The following OR5B2 variants were observed in gnomAD, a reference collection of about 807,000 sequenced individuals.
OR5B2 encodes olfactory receptor family 5 subfamily B member 2.
For missense variants in OR5B2, 411 were observed against 367.0 expected (o/e 1.12, Z -0.98); for synonymous variants, 163 against 140.8 (o/e 1.16, Z -1.11).
chr11:58,422,227 A>C lies in OR5B2; in HGVS notation c.*105T>G. The C allele has an allele frequency of 1.5e-6, 1 of 647,012 alleles. No individual in the cohort carries two copies. Among genetic ancestry groups the C allele is most frequent in the Non-Finnish European group, 2.7e-6 (1 of 369,054 alleles). 40.1% of individuals were successfully genotyped at this position (647,012 alleles called of 1,614,324 possible). ...AAAGAGGTAAGAATATCACCTCATG[A>C]ACTTAAATGTATTGTGGGGTTTCAA... is the stretch of plus-strand genomic sequence containing the variant. On this transcript the variant is annotated 3_prime_UTR_variant, in exon 3 of 3. Coordinates refer to ENST00000641342, the MANE Select transcript of OR5B2 (RefSeq NM_001005566.3).
chr11:58,422,763 A>C lies in OR5B2; in HGVS notation c.499T>G (p.Cys167Gly). 6.2e-7 allele frequency: 1 copy of C among 1,613,880 alleles called. No homozygotes were observed. The highest frequency in any genetic ancestry group is 8.5e-7 in the Non-Finnish European group (1 of 1,179,894). Residue 167 changes from cysteine to glycine, a missense_variant, in exon 3 of 3, where the codon TGT becomes GGT. By Grantham distance (159) the Cys-to-Gly change is radical. Transcript: ENST00000641342. ...HIGGIFSLSFCKSNLVHHFFC... is the reference protein window; with the variant it reads ...HIGGIFSLSFGKSNLVHHFFC... ...AAGTGATGTACCAGATTGGATTTAC[A>C]GAAAGAGAGACTGAATATGCCCCCA...
chr11:58,421,248 G>A lies in OR5B2; in HGVS notation c.*1084C>T, dbSNP rs762591249. On this transcript the variant is annotated 3_prime_UTR_variant, in exon 3 of 3. Transcript: ENST00000641342. ...CAGTTAAACCACAGGTGTTTATAGC[G>A]GCTTTATTCATAACTGCCAACACTA... The A allele has an allele frequency of 4.6e-5, 7 of 152,022 alleles. No individual in the cohort carries two copies. Among genetic ancestry groups the A allele is most frequent in the African/African-American group, 1.2e-4 (5 of 41,392 alleles). 9.4% of individuals were successfully genotyped at this position (152,022 alleles called of 1,614,324 possible).
Position 58,422,516 on chromosome 11 carries a change from A to C in OR5B2, c.746T>G (p.Phe249Cys). 1.9e-6 allele frequency: 3 copies of C among 1,613,806 alleles called. No individual in the cohort carries two copies. The South Asian group carries it at 3.3e-5, about 18-fold the overall frequency. Residue 249 changes from phenylalanine to cysteine, a missense_variant, in exon 3 of 3, where the codon TTC (phenylalanine) becomes TGC (cysteine). Transcript: ENST00000641342. Reference sequence around the variant, plus strand: ...GTAGATGAAGATTACTGTCCCATAGAAGACGGAGACTGCAGTGAAGTGAGA... The same window carrying C: ...GTAGATGAAGATTACTGTCCCATAGCAGACGGAGACTGCAGTGAAGTGAGA... ...CASHFTAVSV[F>C]YGTVIFIYLQ...
At chr11:58,426,948 C>T (rs1260079551) in intron 1 of OR5B2, among the ~76,000 whole-genome samples, 1 of 152,088 alleles carries the variant, frequency 6.6e-6, no homozygotes, top group Admixed American at 6.6e-5. Flanking sequence ...TTATCCCTGG[C>T]CATTGTTGCA....
rs1411860355 is a variant in OR5B2, at chr11:58,422,201, T to A, written c.*131A>T. The A allele has an allele frequency of 1.8e-6, 1 of 543,644 alleles. No homozygotes were observed. Among genetic ancestry groups the A allele is most frequent in the African/African-American group, 1.9e-5 (1 of 53,138 alleles). 33.7% of individuals were successfully genotyped at this position (543,644 alleles called of 1,614,324 possible). ...TTATTTTTATTAAAAAATTGACTTC[T>A]AAAGAGGTAAGAATATCACCTCATG... On this transcript the variant is annotated 3_prime_UTR_variant, in exon 3 of 3. Transcript: ENST00000641342.
At position 58,423,278 on chromosome 11, in the gene OR5B2, A is replaced by G. The variant is rs1455904823; in HGVS notation, c.-17T>C. 6.8e-7 allele frequency: 1 copy of G among 1,461,640 alleles called. No individual in the cohort carries two copies. The highest frequency in any genetic ancestry group is 2.0e-5 in the Admixed American group (1 of 49,912). The allele number at this position is 1,461,640 out of a possible 1,614,324, so 90.5% of individuals were successfully genotyped here. A position where few individuals can be genotyped will look rare whatever the true frequency, so the allele number is the denominator to read the frequency against. On this transcript the variant is annotated 5_prime_UTR_variant, in exon 3 of 3. Coordinates refer to ENST00000641342, the MANE Select transcript of OR5B2 (RefSeq NM_001005566.3). ...ATTCTCCATCAGTATTATCTGAGAA[A>G]CTTAAGATGACCTGTAGCAATGAGA...
In OR5B2 at chr11:58,422,522, G is replaced by A; in HGVS notation, c.740C>T (p.Ser247Phe). Residue 247 changes from serine to phenylalanine, a missense_variant, in exon 3 of 3, where the codon TCC becomes TTC. By Grantham distance (155) the Ser-to-Phe change is radical (BLOSUM62 -2). Transcript: ENST00000641342. ...STCASHFTAV[S>F]VFYGTVIFIY... ...GAAGATTACTGTCCCATAGAAGACG[G>A]AGACTGCAGTGAAGTGAGAGGCACA... 1 of 1,613,794 alleles carries A rather than the reference G, an allele frequency of 6.2e-7. No individual in the cohort carries two copies. The highest frequency in any genetic ancestry group is 8.5e-7 in the Non-Finnish European group (1 of 1,179,860).
Position 58,422,608 on chromosome 11 carries a change from G to T in OR5B2, c.654C>A (p.Phe218Leu). 6.2e-7 allele frequency: 1 copy of T among 1,613,656 alleles called. No homozygotes were observed. The highest frequency in any genetic ancestry group is 8.5e-7 in the Non-Finnish European group (1 of 1,179,800). ...VLLVIFISYLFIFITILKMHS... is the reference protein window; with the variant it reads ...VLLVIFISYLLIFITILKMHS... ...GCATCTTCAAGATGGTGATGAATAT[G>T]AACAAGTAGGAGATAAAGATAACTA... The change falls in exon 3 of 3, where the codon TTC becomes TTA. Residue 218 changes from phenylalanine (F) to leucine (L), a missense_variant. Physicochemically the swap from Phe to Leu is conservative, Grantham distance 22. Coordinates refer to ENST00000641342, the MANE Select transcript of OR5B2 (RefSeq NM_001005566.3).
rs780585426 is a variant in OR5B2 at position 58,423,027 on chromosome 11, C to T, written c.235G>A (p.Val79Ile). The change falls in exon 3 of 3, where the codon GTC becomes ATC. Residue 79 changes from valine (V) to isoleucine (I), a missense_variant. Physicochemically the swap from Val to Ile is conservative, Grantham distance 29. Transcript: ENST00000641342. The part of the protein sequence containing the change: ...FGYSSAVTPK[V>I]MAGFLRGDKV... ...TCTCCTCTAAGGAACCCAGCCATGACCTTGGGAGTGACAGCTGAGGAGTAT... is the reference window on the plus strand; with the variant it reads ...TCTCCTCTAAGGAACCCAGCCATGATCTTGGGAGTGACAGCTGAGGAGTAT... 19 of 1,613,718 alleles carry T rather than the reference C, an allele frequency of 1.2e-5. No homozygotes were observed. The highest frequency in any genetic ancestry group is 1.6e-5 in the Non-Finnish European group (19 of 1,179,792).
intron 2 of OR5B2, 82 bp downstream of exon 2, chr11:58,426,540 A>T (rs1855340491): frequency 6.6e-6 from 1 of 152,114 alleles, no homozygotes; most frequent in Non-Finnish European, 1.5e-5. Flanking sequence ...TCAATGGGAA[A>T]ATGTTTGCCC....
At position 58,421,382 on chromosome 11, in the gene OR5B2, G is replaced by A. The variant is rs1855270238; in HGVS notation, c.*950C>T. The A allele has an allele frequency of 6.6e-6, 1 of 152,086 alleles. No individual in the cohort carries two copies. Among genetic ancestry groups the A allele is most frequent in the African/African-American group, 2.4e-5 (1 of 41,434 alleles). The allele number at this position is 152,086 out of a possible 1,614,324, so 9.4% of individuals were successfully genotyped here. A position where few individuals can be genotyped will look rare whatever the true frequency, so the allele number is the denominator to read the frequency against. On this transcript the variant is annotated 3_prime_UTR_variant, in exon 3 of 3. Transcript: ENST00000641342. The stretch of plus-strand genomic sequence containing the variant: ...GAAATGAGCTATCAAGCCACGAAAA[G>A]TTATGGAGAAAACAGATGCATATTA...
At chr11:58,423,926 G>A (rs1337955363) in intron 2 of OR5B2, among the ~76,000 whole-genome samples, 1 of 152,150 alleles carries the variant, frequency 6.6e-6, no homozygotes. Context: ...GTAACTGAGA[G>A]GAAAATGCAC....
At position 58,422,963 on chromosome 11, in the gene OR5B2, A is replaced by G. The variant is rs1282058332; in HGVS notation, c.299T>C (p.Phe100Ser). Residue 100 changes from phenylalanine (F) to serine (S), a missense_variant, in exon 3 of 3, where the codon TTC (phenylalanine) becomes TCC (serine). By Grantham distance (155) the Phe-to-Ser change is radical (BLOSUM62 -2). Transcript: ENST00000641342. ...ISYNACAVQMFFFVALATVEN... is the reference protein window; with the variant it reads ...ISYNACAVQMSFFVALATVEN... ...CACCGTGGCCAAGGCTACAAAGAAGAACATCTGAACAGCACATGCATTGTA... is the reference window on the plus strand; with the variant it reads ...CACCGTGGCCAAGGCTACAAAGAAGGACATCTGAACAGCACATGCATTGTA... 1 of 1,613,746 alleles carries G rather than the reference A, an allele frequency of 6.2e-7. No homozygotes were observed.
chr11:58,426,141 GA>G, intron 2 of OR5B2, among the ~76,000 whole-genome samples: 2 of 150,342 alleles, frequency 1.3e-5, no homozygotes, highest in African/African-American at 5.0e-5. Context: ...TAAGCACATG[GA>G]TTTTTTGTGT....
Position 58,422,327 on chromosome 11 carries a change from C to G in OR5B2, c.*5G>C. The G allele has an allele frequency of 6.3e-7, 1 of 1,588,380 alleles. No individual in the cohort carries two copies. Among genetic ancestry groups the G allele is most frequent in the South Asian group, 1.1e-5 (1 of 89,642 alleles). On this transcript the variant is annotated 3_prime_UTR_variant, in exon 3 of 3. Transcript: ENST00000641342. The stretch of plus-strand genomic sequence containing the variant: ...TGTGTATACAACAATGTTAAAATTC[C>G]AAACTTATAGAAATTTTTGCCTTCT...
Position 58,423,157 on chromosome 11 carries a change from G to A in OR5B2, c.105C>T (p.Leu35=). Residue 35 remains leucine, a synonymous_variant, in exon 3 of 3, where the codon CTC becomes CTT. Coordinates refer to ENST00000641342, the MANE Select transcript of OR5B2 (RefSeq NM_001005566.3). ...LFILFTFIYL[L]TLCGNLGMML... is the part of the protein sequence containing the mutation. ...TCATCCCCAGGTTCCCACACAGAGT[G>A]AGGAGGTAGATGAAGGTGAACAAGA... 6.2e-7 allele frequency: 1 copy of A among 1,613,654 alleles called. No homozygotes were observed. Among genetic ancestry groups the A allele is most frequent in the Non-Finnish European group, 8.5e-7 (1 of 1,179,720 alleles).
At position 58,422,452 on chromosome 11, in the gene OR5B2, T is replaced by G; in HGVS notation, c.810A>C (p.Lys270Asn). ...PSSSHSMDTD[K>N]MASVFYAMII... ...TCATAGCATAGAACACAGATGCCAT[T>G]TTGTCTGTGTCCATGGAGTGGCTGG... The change falls in exon 3 of 3, where the codon AAA (lysine) becomes AAC (asparagine). Residue 270 changes from lysine (K) to asparagine (N), a missense_variant. Coordinates refer to ENST00000641342, the MANE Select transcript of OR5B2 (RefSeq NM_001005566.3). 1 of 1,613,544 alleles carries G rather than the reference T, an allele frequency of 6.2e-7. No individual in the cohort carries two copies. Among genetic ancestry groups the G allele is most frequent in the South Asian group, 1.1e-5 (1 of 91,080 alleles).
Position 58,422,998 on chromosome 11 carries a change from C to T in OR5B2, c.264G>A (p.Lys88=), listed in dbSNP as rs759423758. The T allele has an allele frequency of 6.2e-7, 1 of 1,613,774 alleles. No homozygotes were observed. Among genetic ancestry groups the T allele is most frequent in the South Asian group, 1.1e-5 (1 of 91,072 alleles). The stretch of plus-strand genomic sequence containing the variant: ...CAGCACATGCATTGTAGGAGATGAC[C>T]TTGTCTCCTCTAAGGAACCCAGCCA... ...KVMAGFLRGD[K]VISYNACAVQ... is the part of the protein sequence containing the mutation. The change falls in exon 3 of 3, where the codon AAG becomes AAA. Residue 88 remains lysine (K), a synonymous_variant. Transcript: ENST00000641342.
chr11:58,421,706 AGG>A lies in OR5B2; in HGVS notation c.*624_*625del, dbSNP rs1401053281. Reference sequence around the variant, plus strand: ...TGAGATGATAATGATGTGTCAATGTAGGTTCATCAATTGTAAAAAATGTAGCA... The same window carrying A: ...TGAGATGATAATGATGTGTCAATGTATTCATCAATTGTAAAAAATGTAGCA... On this transcript the variant is annotated 3_prime_UTR_variant, in exon 3 of 3. Coordinates refer to ENST00000641342, the MANE Select transcript of OR5B2 (RefSeq NM_001005566.3). 6.6e-6 allele frequency: 1 copy of A among 152,150 alleles called. No homozygotes were observed. Among genetic ancestry groups the A allele is most frequent in the African/African-American group, 2.4e-5 (1 of 41,450 alleles). 9.4% of individuals were successfully genotyped at this position (152,150 alleles called of 1,614,324 possible). A position where few individuals can be genotyped will look rare whatever the true frequency, so the allele number is the denominator to read the frequency against.
Sources: gnomAD v4.1 joint callset for allele counts (sites outside exome capture counted in the v4.1 genomes callset) on GRCh38, gnomAD v4.1.1 for gene constraint, MANE v1.5 for transcripts, NCBI Gene and HGNC (gene_info 2026-07-23, HGNC 2026-07-21) for gene names.